The following ATP13A2 variants were observed in gnomAD, a reference collection of about 807,000 sequenced individuals.
ATP13A2 encodes the protein polyamine-transporting ATPase 13A2.
ATP13A2 carries 83 observed loss-of-function variants against 138.3 expected under a neutral mutation model. That is an observed-to-expected ratio of 0.60 (90% confidence interval 0.50 to 0.72). The LOEUF is 0.72. Ranked by LOEUF, ATP13A2 falls within the 30% of genes least tolerant of loss-of-function variation. The pLI is 0.00. For missense variants in ATP13A2, 1,402 were observed against 1,606.4 expected (o/e 0.87, Z 2.17); for synonymous variants, 663 against 699.0 (o/e 0.95, Z 0.81).
Position 16,995,444 on chromosome 1 carries a change from C to G in ATP13A2, c.1542+532G>C. ...AGGGTTGGGAGCAGCACGGGATGCA[C>G]ACTAGGGCCCCAGGTCCCCACCAGT... is the stretch of plus-strand genomic sequence containing the variant. On this transcript the variant is annotated intron_variant, in intron 15 of 28. Transcript: ENST00000326735. The surrounding 1 kb of genome is among the most constrained non-coding windows in gnomAD (Gnocchi z 4.1). The G allele has an allele frequency of 3.7e-6, 1 of 266,974 alleles. No homozygotes were observed. The highest frequency in any genetic ancestry group is 7.3e-6 in the Non-Finnish European group (1 of 136,704). 16.5% of individuals were successfully genotyped at this position (266,974 alleles called of 1,614,324 possible). A position where few individuals can be genotyped will look rare whatever the true frequency, so the allele number is the denominator to read the frequency against.
intron 11 of ATP13A2, among the ~76,000 whole-genome samples, chr1:16,999,634 G>A (rs1012821230): frequency 4.6e-5 from 7 of 152,124 alleles, no homozygotes; most frequent in Admixed American, 3.3e-4. Flanking sequence ...CGGAGCGCTG[G>A]CACACGCCTG....
rs1260457018 is a variant in ATP13A2, at chr1:16,999,998, G to T, written c.1039+13C>A. ...GGAGGAAGGAAGCTGCAGGCCAGGG[G>T]CTGGGGGCTCACCTGTCAGAGAGCT... On this transcript the variant is annotated intron_variant, in intron 11 of 28. Coordinates refer to ENST00000326735, the MANE Select transcript of ATP13A2 (RefSeq NM_022089.4). 6.3e-6 allele frequency: 10 copies of T among 1,598,016 alleles called. No homozygotes were observed. The highest frequency in any genetic ancestry group is 8.5e-6 in the Non-Finnish European group (10 of 1,170,882).
At chr1:16,989,183 T>C (rs1248444406) in intron 23 of ATP13A2, among the ~76,000 whole-genome samples, 3 of 152,196 alleles carry the variant, frequency 2.0e-5, no homozygotes, top group Non-Finnish European at 4.4e-5. Flanking sequence ...CCCAAAGCGC[T>C]GGGATTACTG....
Position 17,004,316 on chromosome 1 carries a change from A to G in ATP13A2, c.557+16T>C. Reference sequence around the variant, plus strand: ...CTCTGGGAGGTGACATGAGCCACACAGGCCCTGACTCCTACCTGACCTGGT... The same window carrying G: ...CTCTGGGAGGTGACATGAGCCACACGGGCCCTGACTCCTACCTGACCTGGT... On this transcript the variant is annotated intron_variant, in intron 6 of 28. Transcript: ENST00000326735. The surrounding 1 kb of genome is among the most constrained non-coding windows in gnomAD (Gnocchi z 4.1). 6.2e-7 allele frequency: 1 copy of G among 1,612,260 alleles called. No homozygotes were observed.
At chr1:16,989,836 A>G (rs2076862477) in intron 22 of ATP13A2, 51 bp downstream of exon 22, 3 of 1,611,744 alleles carry the variant, frequency 1.9e-6, no homozygotes, top group Non-Finnish European at 2.5e-6. Context: ...GTGAGGAAGG[A>G]GACAGAGCAG....
At chr1:16,999,405 AG>A (rs67210274) in intron 11 of ATP13A2, among the ~76,000 whole-genome samples, 25,356 of 125,236 alleles carry the variant, frequency 0.2, 4,089 homozygotes, top group Non-Finnish European at 0.3. Context: ...AAAAAAAAAA[AG>A]GAGAAATAGC....
intron 2 of ATP13A2, 52 bp downstream of exon 2, chr1:17,005,632 G>T (rs903621853): frequency 6.8e-6 from 11 of 1,612,028 alleles, no homozygotes; most frequent in Non-Finnish European, 9.3e-6. Context: ...GTCTGGGTGG[G>T]CCTGGGCATT....
rs1389678247 is a variant in ATP13A2 at position 17,005,444 on chromosome 1, AC to A, written c.217del (p.Val73CysfsTer20). The stretch of plus-strand genomic sequence containing the variant: ...GTTGCAGGGCCGGAGCCGCAGCCGC[AC>A]CCCCCACAGGGGCTTCCAACGGAAG... ...LLFRWKPLWG[V>X]RLRLRPCNLA... On this transcript the variant is annotated frameshift_variant, in exon 3 of 29. Transcript: ENST00000326735. LOFTEE classifies it high-confidence loss of function. 2.5e-6 allele frequency: 4 copies of A among 1,613,712 alleles called. No individual in the cohort carries two copies. Among genetic ancestry groups the A allele is most frequent in the Non-Finnish European group, 3.4e-6 (4 of 1,179,974 alleles).
Position 16,986,598 on chromosome 1 carries a change from G to A in ATP13A2, c.3270C>T (p.Ser1090=), listed in dbSNP as rs771715671. 4 of 1,610,844 alleles carry A rather than the reference G, an allele frequency of 2.5e-6. No homozygotes were observed. Among genetic ancestry groups the A allele is most frequent in the African/African-American group, 1.3e-5 (1 of 74,988 alleles). ...GGACCAGGACAAGGCCCACCAGGACGGAGCTCAGGAGCGCCAGGGCCACCA... is the reference window on the plus strand; with the variant it reads ...GGACCAGGACAAGGCCCACCAGGACAGAGCTCAGGAGCGCCAGGGCCACCA... The part of the protein sequence containing the change: ...PFLVALALLS[S]VLVGLVLVPG... The change falls in exon 28 of 29, where the codon TCC becomes TCT. Residue 1090 remains serine (S), a synonymous_variant. Coordinates refer to ENST00000326735, the MANE Select transcript of ATP13A2 (RefSeq NM_022089.4). This position sits in a 1 kb window ranked among gnomAD's most constrained non-coding sequence, Gnocchi z 6.9.
Position 17,005,622 on chromosome 1 carries a change from G to T in ATP13A2, c.105+62C>A, listed in dbSNP as rs1006568026. On this transcript the variant is annotated intron_variant, in intron 2 of 28. Transcript: ENST00000326735. ...CGGGGCTGGAGTAGGAAGTTGGGGT[G>T]TCTGGGTGGGCCTGGGCATTCACCC... The T allele has an allele frequency of 8.7e-6, 14 of 1,613,118 alleles. No individual in the cohort carries two copies. In the African/African-American group the frequency reaches 1.9e-4, roughly 22 times the overall value.
chr1:17,011,579 G>C lies in ATP13A2; in HGVS notation c.10+150C>G. 1 of 978,226 alleles carries C rather than the reference G, an allele frequency of 1.0e-6. No individual in the cohort carries two copies. Among genetic ancestry groups the C allele is most frequent in the Non-Finnish European group, 1.3e-6 (1 of 746,756 alleles). The allele number at this position is 978,226 out of a possible 1,614,324, so 60.6% of individuals were successfully genotyped here. A position where few individuals can be genotyped will look rare whatever the true frequency, so the allele number is the denominator to read the frequency against. The stretch of plus-strand genomic sequence containing the variant: ...GCCGAGTCCCCGTCAAAAGGGAGGG[G>C]ACGGGCCAGGATCCCCAACCAGGTC... On this transcript the variant is annotated intron_variant, in intron 1 of 28. Transcript: ENST00000326735. The surrounding 1 kb of genome is among the most constrained non-coding windows in gnomAD (Gnocchi z 7.3).
At chr1:17,002,399 C>T (rs376165658) in intron 6 of ATP13A2, 26 bp from the exon 7 acceptor site, 31 of 1,606,946 alleles carry the variant, frequency 1.9e-5, no homozygotes, top group Non-Finnish European at 2.6e-5. Context: ...AGGGGACACG[C>T]ATGGGCCATG....
At chr1:16,993,113 C>T (rs1351552191) in intron 16 of ATP13A2, among the ~76,000 whole-genome samples, 1 of 152,132 alleles carries the variant, frequency 6.6e-6, no homozygotes, top group Non-Finnish European at 1.5e-5. Context: ...GACGGGGTTT[C>T]ACTATGTTGG....
Position 17,005,678 on chromosome 1 carries a change from A to G in ATP13A2, c.105+6T>C. 2 of 1,613,844 alleles carry G rather than the reference A, an allele frequency of 1.2e-6. No homozygotes were observed. The highest frequency in any genetic ancestry group is 1.1e-5 in the South Asian group (1 of 91,002). ...AGCTTTTCCCCACCCCACTCTGCCC[A>G]CTTACCACGGATGAAACTGAGGAGC... On this transcript the variant is annotated splice_donor_region_variant and intron_variant, in intron 2 of 28. Transcript: ENST00000326735.
intron 11 of ATP13A2, among the ~76,000 whole-genome samples, chr1:16,998,534 G>A (rs572391329): frequency 1.5e-4 from 23 of 152,166 alleles, no homozygotes; most frequent in African/African-American, 5.1e-4. Context: ...TACAATGCCA[G>A]CCAGAAAACT....
At position 16,989,782 on chromosome 1, in the gene ATP13A2, G is replaced by C. The variant is rs935118855; in HGVS notation, c.2530-12C>G. On this transcript the variant is annotated splice_polypyrimidine_tract_variant and intron_variant, in intron 22 of 28. Transcript: ENST00000326735. ...CCCTGGACCAGGACCTGGGAGCACA[G>C]GGAGATGGGGGAGGGCTGAGGCACC... The C allele has an allele frequency of 3.7e-6, 6 of 1,613,796 alleles. No individual in the cohort carries two copies. In the African/African-American group the frequency reaches 5.3e-5, roughly 14 times the overall value.
In ATP13A2 at chr1:16,992,304, C is replaced by T. The variant is rs1464774152; in HGVS notation, c.1944G>A (p.Gln648=). ...GGGAGCCTTTGACGTAGGCCTCGGG[C>T]TGAGTGGCCCCTGGCCACGCCACCA... The part of the protein sequence containing the change: ...SVVVAWPGAT[Q]PEAYVKGSPE... The change falls in exon 18 of 29, where the codon CAG becomes CAA. Residue 648 remains glutamine (Q), a synonymous_variant. Transcript: ENST00000326735. 2 of 1,612,314 alleles carry T rather than the reference C, an allele frequency of 1.2e-6. No homozygotes were observed. Among genetic ancestry groups the T allele is most frequent in the East Asian group, 2.2e-5 (1 of 44,882 alleles).
At chr1:16,991,670 CTCT>C in intron 20 of ATP13A2, 61 bp downstream of exon 20, 1 of 1,612,938 alleles carries the variant, frequency 6.2e-7, no homozygotes, top group Non-Finnish European at 8.5e-7. Flanking sequence ...CCTGGTGCCC[CTCT>C]TCTCTGCCAG....
At chr1:17,008,494 G>A (rs937940660) in intron 1 of ATP13A2, among the ~76,000 whole-genome samples, 22 of 152,164 alleles carry the variant, frequency 1.4e-4, no homozygotes, top group African/African-American at 5.3e-4. Flanking sequence ...TTCCTGGGGG[G>A]GTTGCGTGGA....
Sources: allele counts gnomAD v4.1 joint callset (sites outside exome capture counted in the v4.1 genomes callset), GRCh38; gene constraint gnomAD v4.1.1; non-coding constraint Gnocchi (gnomAD v3.1); transcripts MANE v1.5; gene names NCBI Gene and HGNC (gene_info 2026-07-23, HGNC 2026-07-21).